Variants in PRRC2C observed in about 807,000 individuals in gnomAD.
The protein encoded by PRRC2C is protein PRRC2C.
Under a neutral mutation model 317.2 loss-of-function variants are expected in PRRC2C, and 72 were observed. That is an observed-to-expected ratio of 0.23 (90% CI 0.19 to 0.28). The LOEUF is 0.28. Ranked by LOEUF, PRRC2C falls within the 10% of genes least tolerant of loss-of-function variation. The pLI, the probability that PRRC2C is intolerant of heterozygous loss-of-function variation, is 1.00. For missense variants in PRRC2C, 3,074 were observed against 3,459.7 expected, an observed-to-expected ratio of 0.89 and a Z score of 2.80; for synonymous variants, 1,296 against 1,205.9, an observed-to-expected ratio of 1.07 and a Z score of -1.55.
chr1:171,557,824 C>G lies in PRRC2C; in HGVS notation c.5712C>G (p.Val1904=). 1 of 1,548,474 alleles carries G rather than the reference C, an allele frequency of 6.5e-7. No individual in the cohort carries two copies. Among genetic ancestry groups the G allele is most frequent in the South Asian group, 1.2e-5 (1 of 83,722 alleles). ...CAGCCTCAGCCCCAACTGCCTCAGT[C>G]CCACTTGCCCCTGCCTCAGCTTCAG... The part of the protein sequence containing the change: ...TIPASAPTAS[V]PLAPASASAP... The change falls in exon 19 of 35, where the codon GTC becomes GTG. Residue 1904 remains valine (V), a synonymous_variant. Transcript: ENST00000647382.
At chr1:171,585,276 G>A (rs1649604121) in intron 30 of PRRC2C, among the ~76,000 whole-genome samples, 1 of 152,176 alleles carries the variant, frequency 6.6e-6, no homozygotes, top group African/African-American at 2.4e-5. Flanking sequence ...CCATCTGGCA[G>A]GTTAGCTATA....
rs146566635 is a variant in PRRC2C, at chr1:171,548,343, A to G, written c.4973-1743A>G. 2.2e-3 allele frequency among the ~76,000 whole-genome samples: 336 copies of G among 152,282 alleles called. 1 individual carries two copies. The highest frequency in any genetic ancestry group is 7.8e-3 in the African/African-American group (325 of 41,556). On this transcript the variant is annotated intron_variant, in intron 17 of 34. Transcript: ENST00000647382. ...AGTATGTTAATGCTAAGTTTTAACTATTTTAGAAGAAATGTTTGTAGATAG... is the reference window on the plus strand; with the variant it reads ...AGTATGTTAATGCTAAGTTTTAACTGTTTTAGAAGAAATGTTTGTAGATAG...
chr1:171,537,935 C>G (rs1677145857), intron 15 of PRRC2C, among the ~76,000 whole-genome samples: 1 of 152,046 alleles, frequency 6.6e-6, no homozygotes. Context: ...GAGTCTTGCT[C>G]TGTCTCCCAG....
chr1:171,527,665 A>C, intron 10 of PRRC2C, 126 bp from the exon 11 acceptor site: 1 of 690,896 alleles, frequency 1.4e-6, no homozygotes, highest in Admixed American at 2.9e-5. Context: ...CTGAGGCATG[A>C]GAATTGCTTG....
rs769831511 is a variant in PRRC2C, at chr1:171,512,176, T to A, written c.88T>A (p.Ser30Thr). Reference sequence around the variant, plus strand: ...TTTATTTAATACTTACAAGGGGAAATCATTAGAAACACAGAAAACCACAGG... The same window carrying A: ...TTTATTTAATACTTACAAGGGGAAAACATTAGAAACACAGAAAACCACAGG... ...LSLFNTYKGK[S>T]LETQKTTVAA... The change falls in exon 2 of 35, where the codon TCA becomes ACA. Residue 30 changes from serine (S) to threonine (T), a missense_variant. Coordinates refer to ENST00000647382, the MANE Select transcript of PRRC2C (RefSeq NM_001387844.1). The A allele has an allele frequency of 3.2e-6, 5 of 1,574,182 alleles. No individual in the cohort carries two copies. The highest frequency in any genetic ancestry group is 3.7e-5 in the Admixed American group (2 of 53,940).
rs57131009 is a variant in PRRC2C, at chr1:171,545,709, TTTTATTTATTTATTTATTTA to T, written c.4972+42_4972+61del. On this transcript the variant is annotated intron_variant, in intron 17 of 34. Coordinates refer to ENST00000647382, the MANE Select transcript of PRRC2C (RefSeq NM_001387844.1). ...GCAAGTATGTCTTAGGTTTCTTTCATTTTATTTATTTATTTATTTATTTATTTATTTATTTATTTGCTACA... is the reference window on the plus strand; with the variant it reads ...GCAAGTATGTCTTAGGTTTCTTTCATTTTATTTATTTATTTATTTGCTACA... 8 of 804,906 alleles carry T rather than the reference TTTTATTTATTTATTTATTTA, an allele frequency of 9.9e-6. 1 individual carries two copies. In the East Asian group the frequency reaches 2.3e-4, roughly 23 times the overall value. 49.9% of individuals were successfully genotyped at this position (804,906 alleles called of 1,614,324 possible). A position where few individuals can be genotyped will look rare whatever the true frequency, so the allele number is the denominator to read the frequency against.
chr1:171,568,172 G>T, intron 22 of PRRC2C, 75 bp from the exon 23 acceptor site: 1 of 1,477,668 alleles, frequency 6.8e-7, no homozygotes, highest in South Asian at 1.3e-5. Flanking sequence ...ATGATAGCGA[G>T]ACTCAAAAAA....
At chr1:171,512,853 G>T in intron 2 of PRRC2C, 142 bp from the exon 3 acceptor site, 1 of 771,162 alleles carries the variant, frequency 1.3e-6, no homozygotes, top group East Asian at 2.9e-5. Context: ...GTGTAGCTTA[G>T]TTTTAAAATT....
intron 7 of PRRC2C, among the ~76,000 whole-genome samples, chr1:171,522,933 T>C (rs1673877520): frequency 1.3e-5 from 2 of 151,852 alleles, no homozygotes; most frequent in South Asian, 4.2e-4. Flanking sequence ...TCAAAATATA[T>C]ATTTTGAAGT....
chr1:171,493,919 G>A (rs115389934), intron 1 of PRRC2C, among the ~76,000 whole-genome samples: 2,672 of 152,280 alleles, frequency 0.018, 32 homozygotes, highest in Middle Eastern at 0.031. Context: ...TATTCTAAGA[G>A]CTTTATACAC....
At chr1:171,506,085 C>T (rs1670132141) in intron 1 of PRRC2C, among the ~76,000 whole-genome samples, 1 of 152,112 alleles carries the variant, frequency 6.6e-6, no homozygotes, top group Non-Finnish European at 1.5e-5. Flanking sequence ...AAAGTAGAGC[C>T]AGGGTTTCAC....
At chr1:171,533,771 G>A (rs1201682993) in intron 12 of PRRC2C, among the ~76,000 whole-genome samples, 6 of 152,050 alleles carry the variant, frequency 3.9e-5, no homozygotes, top group Admixed American at 2.6e-4. Flanking sequence ...CTACAGGCGC[G>A]TGCCACCGCA....
In PRRC2C at chr1:171,515,851, G is replaced by A. The variant is rs368030635; in HGVS notation, c.518G>A (p.Arg173His). The A allele has an allele frequency of 4.1e-5, 65 of 1,593,776 alleles. No homozygotes were observed. The highest frequency in any genetic ancestry group is 1.6e-4 in the Admixed American group (9 of 55,146). The change falls in exon 5 of 35, where the codon CGT (arginine) becomes CAT (histidine). Residue 173 changes from arginine to histidine, a missense_variant. This residue lies in a region of PRRC2C where 237 missense variants were observed against 199.5 expected (regional missense o/e 1.19). Transcript: ENST00000647382. ...DDNYGPGPSL[R>H]PPNVACWRDG... ...AACTATGGACCTGGACCCAGTTTAC[G>A]TCCACCAAGTAAGAGTACTTTCTCT...
In PRRC2C at chr1:171,523,487, T is replaced by C. The variant is rs1236290380; in HGVS notation, c.1020T>C (p.Asp340=). 4 of 1,612,080 alleles carry C rather than the reference T, an allele frequency of 2.5e-6. No homozygotes were observed. The highest frequency in any genetic ancestry group is 4.5e-5 in the East Asian group (2 of 44,888). Residue 340 remains aspartate (D), a synonymous_variant, in exon 9 of 35, where the codon GAT becomes GAC. Transcript: ENST00000647382. ...AGCAACTGAATTTCAGTGATGATGA[T>C]GAACAAGGAAGTAACAGTCCTAAAG... ...YTEQLNFSDD[D]EQGSNSPKEN...
In PRRC2C at chr1:171,593,398, G is replaced by A. The variant is rs922801993; in HGVS notation, c.*1551G>A. Reference sequence around the variant, plus strand: ...TTAACAGCCATATTGGTCTAGAAACGTTAAACTTAATTTTTTTCCATTTGT... The same window carrying A: ...TTAACAGCCATATTGGTCTAGAAACATTAAACTTAATTTTTTTCCATTTGT... On this transcript the variant is annotated 3_prime_UTR_variant, in exon 35 of 35. Transcript: ENST00000647382. The A allele has an allele frequency of 2.0e-5, 3 of 151,818 alleles. No homozygotes were observed. The highest frequency in any genetic ancestry group is 6.6e-5 in the Admixed American group (1 of 15,222). The allele number at this position is 151,818 out of a possible 1,614,324, so 9.4% of individuals were successfully genotyped here.
chr1:171,528,860 G>GGA (rs1675230716), intron 11 of PRRC2C, among the ~76,000 whole-genome samples: 1 of 151,988 alleles, frequency 6.6e-6, no homozygotes, highest in Non-Finnish European at 1.5e-5. Context: ...GGCCCAGGCT[G>GGA]GAGTGCAGTG....
At chr1:171,520,819 T>A (rs951628084) in intron 6 of PRRC2C, among the ~76,000 whole-genome samples, 3 of 149,448 alleles carry the variant, frequency 2.0e-5, no homozygotes, top group Admixed American at 6.7e-5. Flanking sequence ...TTTTTTTTTT[T>A]AATAAAGACG....
chr1:171,577,706 TCTTCTTA>T (rs1243303533), intron 26 of PRRC2C, 69 bp downstream of exon 26: 2 of 1,389,880 alleles, frequency 1.4e-6, no homozygotes, highest in Non-Finnish European at 2.0e-6. Flanking sequence ...TATTTTTGTC[TCTTCTTA>T]CCCTTTCAGC....
At chr1:171,580,864 A>G (rs1403898628) in intron 28 of PRRC2C, among the ~76,000 whole-genome samples, 1 of 152,216 alleles carries the variant, frequency 6.6e-6, no homozygotes, top group Non-Finnish European at 1.5e-5. Context: ...AAGGCTGTGC[A>G]TTTGTTTTTA....
Sources: allele counts gnomAD v4.1 joint callset (sites outside exome capture counted in the v4.1 genomes callset), GRCh38; gene constraint gnomAD v4.1.1; regional missense constraint gnomAD v4.1.1; transcripts MANE v1.5; gene names NCBI Gene and HGNC (gene_info 2026-07-23, HGNC 2026-07-21).